The following FBXL20 variants were observed in gnomAD, a reference collection of about 807,000 sequenced individuals.
FBXL20 encodes the protein F-box/LRR-repeat protein 20.
In FBXL20, 11 loss-of-function variants were observed where a neutral mutation model predicts 64.0. The observed-to-expected ratio is 0.17, with a 90% CI of 0.11 to 0.28. The LOEUF is 0.28. FBXL20 is among the 10% of genes least tolerant of loss of function. The pLI is 1.00. For missense variants in FBXL20, 303 were observed against 526.2 expected (o/e 0.58, Z 4.15); for synonymous variants, 184 against 189.0 (o/e 0.97, Z 0.22).
chr17:39,321,984 A>G (rs188393446), intron 2 of FBXL20, among the ~76,000 whole-genome samples: 35 of 152,114 alleles, frequency 2.3e-4, no homozygotes, highest in Admixed American at 2.2e-3. Context: ...TAGATATTTC[A>G]TTTGAACTTG....
At chr17:39,316,455 AG>A (rs1284918724) in intron 2 of FBXL20, among the ~76,000 whole-genome samples, 1 of 152,104 alleles carries the variant, frequency 6.6e-6, no homozygotes, top group Non-Finnish European at 1.5e-5. Context: ...TTGGAGAAAT[AG>A]GGCAGAGAAA....
chr17:39,351,630 A>T (rs183691948), intron 1 of FBXL20, among the ~76,000 whole-genome samples: 2 of 152,338 alleles, frequency 1.3e-5, no homozygotes, highest in Non-Finnish European at 2.9e-5. Flanking sequence ...AGAGGAAATA[A>T]CTATTCAAAT....
chr17:39,338,285 A>G (rs980855473), intron 2 of FBXL20, among the ~76,000 whole-genome samples: 5 of 152,208 alleles, frequency 3.3e-5, no homozygotes, highest in Non-Finnish European at 1.5e-5. Flanking sequence ...ACTCAGGGTT[A>G]AATGGATTAA....
At chr17:39,290,122 TATG>T (rs1300609762) in intron 6 of FBXL20, among the ~76,000 whole-genome samples, 1 of 152,044 alleles carries the variant, frequency 6.6e-6, no homozygotes, top group Non-Finnish European at 1.5e-5. Flanking sequence ...TTTCAGTGTA[TATG>T]ATGACTTACA....
At chr17:39,349,581 C>A (rs1024953483) in intron 1 of FBXL20, among the ~76,000 whole-genome samples, 1 of 142,482 alleles carries the variant, frequency 7.0e-6, no homozygotes, top group African/African-American at 3.1e-5. Flanking sequence ...AGTGAGACCC[C>A]ACCTCTGGAA....
rs1227867761 is a variant in FBXL20 at position 39,261,402 on chromosome 17, C to T, written c.*58G>A. 4 of 1,384,630 alleles carry T rather than the reference C, an allele frequency of 2.9e-6. No individual in the cohort carries two copies. The highest frequency in any genetic ancestry group is 3.4e-5 in the Admixed American group (2 of 59,504). 85.8% of individuals were successfully genotyped at this position (1,384,630 alleles called of 1,614,324 possible). A position where few individuals can be genotyped will look rare whatever the true frequency, so the allele number is the denominator to read the frequency against. ...GGTTGCTTCCACTGGAGAGACTCCA[C>T]GGTAGCTCTAGAAGTGTCATTAAAT... On this transcript the variant is annotated 3_prime_UTR_variant, in exon 15 of 15. Coordinates refer to ENST00000264658, the MANE Select transcript of FBXL20 (RefSeq NM_032875.3).
chr17:39,314,027 G>A (rs1202833656), intron 2 of FBXL20, among the ~76,000 whole-genome samples: 1 of 152,074 alleles, frequency 6.6e-6, no homozygotes, highest in Non-Finnish European at 1.5e-5. Context: ...TCACCACTAT[G>A]TAATTCCAGA....
rs150884857 is a variant in FBXL20 at position 39,354,963 on chromosome 17, C to T, written c.43-11722G>A. On this transcript the variant is annotated intron_variant, in intron 1 of 14. Coordinates refer to ENST00000264658, the MANE Select transcript of FBXL20 (RefSeq NM_032875.3). ...TGTTTGTTTTTGAGACAGAGTTTTG[C>T]TCTTGTTGTCCAGGCTAGAGTGCAA... Among the ~76,000 whole-genome samples, 396 of 152,266 alleles carry T rather than the reference C, an allele frequency of 2.6e-3. 1 individual carries two copies. The highest frequency in any genetic ancestry group is 4.6e-3 in the Non-Finnish European group (313 of 68,020).
intron 1 of FBXL20, among the ~76,000 whole-genome samples, chr17:39,372,437 T>C (rs1229022583): frequency 7.1e-6 from 1 of 141,192 alleles, no homozygotes; most frequent in Non-Finnish European, 1.5e-5. Flanking sequence ...GAGAATCGCT[T>C]GAACCTGGGA....
At chr17:39,298,326 T>G (rs1162439626) in intron 5 of FBXL20, among the ~76,000 whole-genome samples, 1 of 152,110 alleles carries the variant, frequency 6.6e-6, no homozygotes, top group African/African-American at 2.4e-5. Flanking sequence ...CTTGCCATGC[T>G]GCCTAGATTG....
intron 5 of FBXL20, among the ~76,000 whole-genome samples, chr17:39,298,392 G>A (rs1271238464): frequency 6.6e-6 from 1 of 152,066 alleles, no homozygotes; most frequent in African/African-American, 2.4e-5. Context: ...AAGTCCTGGG[G>A]TCACTGCCCA....
At chr17:39,286,909 CTTTTTT>C (rs35221372) in intron 6 of FBXL20, among the ~76,000 whole-genome samples, 1 of 114,562 alleles carries the variant, frequency 8.7e-6, no homozygotes, top group South Asian at 2.6e-4. Context: ...GTATCTATTT[CTTTTTT>C]TTTTTTTTTT....
chr17:39,393,536 A>G (rs2144681099), intron 1 of FBXL20, among the ~76,000 whole-genome samples: 1 of 152,276 alleles, frequency 6.6e-6, no homozygotes. Context: ...CAACTTAATT[A>G]CTCACTTACA....
Position 39,401,544 on chromosome 17 carries a change from C to A in FBXL20, c.-142G>T. The stretch of plus-strand genomic sequence containing the variant: ...GGGACCGTGGGACGGGAACAAGAGA[C>A]CTCTCGGCTCCGGCTAGGCCTCCAC... On this transcript the variant is annotated 5_prime_UTR_variant, in exon 1 of 15. Transcript: ENST00000264658. The A allele has an allele frequency of 1.4e-6, 2 of 1,433,280 alleles. No individual in the cohort carries two copies. Among genetic ancestry groups the A allele is most frequent in the Non-Finnish European group, 1.8e-6 (2 of 1,104,090 alleles). The allele number at this position is 1,433,280 out of a possible 1,614,324, so 88.8% of individuals were successfully genotyped here.
intron 1 of FBXL20, among the ~76,000 whole-genome samples, chr17:39,397,278 C>T (rs2048193280): frequency 6.6e-6 from 1 of 152,202 alleles, no homozygotes; most frequent in South Asian, 2.1e-4. Flanking sequence ...ACAGGTTGCA[C>T]ATAATATTAC....
intron 2 of FBXL20, among the ~76,000 whole-genome samples, chr17:39,323,932 T>C (rs368520122): frequency 7.1e-6 from 1 of 141,308 alleles, no homozygotes; most frequent in South Asian, 2.1e-4. Context: ...CGCCTGGCTA[T>C]TTTTTGTATT....
chr17:39,351,109 C>T (rs541204979), intron 1 of FBXL20, among the ~76,000 whole-genome samples: 3 of 151,910 alleles, frequency 2.0e-5, no homozygotes, highest in Admixed American at 6.6e-5. Flanking sequence ...CTGAGGTGGG[C>T]GGATCACATG....
At chr17:39,371,930 A>G (rs762284342) in intron 1 of FBXL20, among the ~76,000 whole-genome samples, 8 of 152,156 alleles carry the variant, frequency 5.3e-5, no homozygotes, top group South Asian at 2.1e-4. Context: ...GACTTCTGGA[A>G]AGTGACCCTG....
Position 39,393,300 on chromosome 17 carries a change from T to A in FBXL20, c.42+8061A>T, listed in dbSNP as rs187938358. On this transcript the variant is annotated intron_variant, in intron 1 of 14. Coordinates refer to ENST00000264658, the MANE Select transcript of FBXL20 (RefSeq NM_032875.3). ...GCGAAACTGTCTCAGGAAAAAAAAA[T>A]AATAAATAATAATAATAATTAAATA... 1.0e-3 allele frequency among the ~76,000 whole-genome samples: 154 copies of A among 151,082 alleles called. 2 individuals carry two copies. Among genetic ancestry groups the A allele is most frequent in the Middle Eastern group, 3.4e-3 (1 of 294 alleles).
Sources: allele counts gnomAD v4.1 joint callset (sites outside exome capture counted in the v4.1 genomes callset), GRCh38; gene constraint gnomAD v4.1.1; transcripts MANE v1.5; gene names NCBI Gene and HGNC (gene_info 2026-07-23, HGNC 2026-07-21).